The following ROBO2 variants were observed in gnomAD, a reference collection of about 807,000 sequenced individuals.
ROBO2 encodes the protein roundabout homolog 2.
A neutral mutation model predicts 160.8 loss-of-function variants in ROBO2; 53 were observed. That is an observed-to-expected ratio of 0.33 (90% CI 0.26 to 0.41). ROBO2 has a LOEUF of 0.41. Ranked by LOEUF, ROBO2 falls within the 10% of genes least tolerant of loss-of-function variation. The pLI is 1.00. For synonymous variants in ROBO2, 664 were observed against 611.7 expected (o/e 1.09, Z -1.26); for missense variants, 1,577 against 1,722.4 (o/e 0.92, Z 1.49).
intron 2 of ROBO2, among the ~76,000 whole-genome samples, chr3:76,121,623 A>G (rs1299240027): frequency 2.0e-5 from 3 of 152,140 alleles, no homozygotes; most frequent in Non-Finnish European, 2.9e-5. Context: ...CTTTTATTTC[A>G]TTGACAATTG....
chr3:76,945,084 T>G (rs1577705243), intron 2 of ROBO2, among the ~76,000 whole-genome samples: 1 of 151,676 alleles, frequency 6.6e-6, no homozygotes, highest in African/African-American at 2.4e-5. Context: ...GAGACGGGGT[T>G]TCACTGTGTT....
intron 2 of ROBO2, among the ~76,000 whole-genome samples, chr3:76,360,364 A>G (rs764005675): frequency 7.2e-5 from 11 of 152,036 alleles, no homozygotes; most frequent in Non-Finnish European, 1.0e-4. Flanking sequence ...GTTATTTTAG[A>G]TATGGGGTGG....
chr3:76,208,829 G>T (rs1472323125), intron 2 of ROBO2, among the ~76,000 whole-genome samples: 1 of 152,000 alleles, frequency 6.6e-6, no homozygotes, highest in Admixed American at 6.6e-5. Flanking sequence ...CTAGCTTCTG[G>T]CTTCCAAAAC....
At chr3:77,159,232 G>A (rs1412343076) in intron 2 of ROBO2, among the ~76,000 whole-genome samples, 3 of 152,120 alleles carry the variant, frequency 2.0e-5, no homozygotes, top group Non-Finnish European at 2.9e-5. Context: ...CATGCAAATA[G>A]AATGACACAG....
At chr3:76,385,191 C>T (rs1431772134) in intron 2 of ROBO2, among the ~76,000 whole-genome samples, 1 of 152,064 alleles carries the variant, frequency 6.6e-6, no homozygotes, top group Non-Finnish European at 1.5e-5. Flanking sequence ...GACAGGGCTT[C>T]TCCATGTTGC....
intron 2 of ROBO2, among the ~76,000 whole-genome samples, chr3:77,170,945 C>CA (rs1053104892): frequency 8.6e-5 from 13 of 151,820 alleles, no homozygotes; most frequent in African/African-American, 2.7e-4. Flanking sequence ...TTAAAAAGAA[C>CA]AAAAAAAGTC....
At chr3:76,867,739 C>T (rs1047293686) in intron 2 of ROBO2, among the ~76,000 whole-genome samples, 1 of 152,172 alleles carries the variant, frequency 6.6e-6, no homozygotes, top group Non-Finnish European at 1.5e-5. Flanking sequence ...TTGATTCTCT[C>T]CTCGAAAACC....
At chr3:76,732,351 G>A (rs1052671974) in intron 2 of ROBO2, among the ~76,000 whole-genome samples, 2 of 152,154 alleles carry the variant, frequency 1.3e-5, no homozygotes, top group African/African-American at 2.4e-5. Flanking sequence ...ATATGATGAC[G>A]AGAACTTGGG....
intron 2 of ROBO2, among the ~76,000 whole-genome samples, chr3:76,640,582 CGTGTTTGCGTGTGAGT>C (rs1560287456): frequency 2.7e-5 from 1 of 37,642 alleles, no homozygotes; most frequent in East Asian, 1.3e-3. Context: ...AATATCAATG[CGTGTTTGCGTGTGAGT>C]GTGTGTGTGT....
At chr3:76,420,763 G>C (rs1450117856) in intron 2 of ROBO2, among the ~76,000 whole-genome samples, 6 of 152,066 alleles carry the variant, frequency 3.9e-5, no homozygotes, top group Admixed American at 3.9e-4. Context: ...CTCTCCAGTG[G>C]AATTTTACAT....
chr3:76,013,532 C>T (rs986065452), intron 2 of ROBO2, among the ~76,000 whole-genome samples: 2 of 149,268 alleles, frequency 1.3e-5, no homozygotes, highest in East Asian at 2.0e-4. Flanking sequence ...GTGGTTTATG[C>T]GTGTAATCCC....
chr3:77,548,465 T>TATAG (rs2092788404), intron 7 of ROBO2, among the ~76,000 whole-genome samples: 1 of 152,058 alleles, frequency 6.6e-6, no homozygotes, highest in Non-Finnish European at 1.5e-5. Flanking sequence ...CTTGTTATTA[T>TATAG]ATAGCTAAGA....
chr3:76,817,186 C>T (rs2065746913), intron 2 of ROBO2, among the ~76,000 whole-genome samples: 1 of 152,082 alleles, frequency 6.6e-6, no homozygotes, highest in South Asian at 2.1e-4. Flanking sequence ...GCATGTTCTG[C>T]ATGTTTCCCA....
chr3:77,146,510 G>T (rs879717979), intron 2 of ROBO2, among the ~76,000 whole-genome samples: 12 of 152,146 alleles, frequency 7.9e-5, no homozygotes, highest in Non-Finnish European at 1.5e-4. Context: ...ATCAATAGAT[G>T]ATTTCTTCAA....
intron 2 of ROBO2, among the ~76,000 whole-genome samples, chr3:76,391,527 T>G (rs906794111): frequency 2.6e-5 from 4 of 152,166 alleles, no homozygotes; most frequent in Non-Finnish European, 4.4e-5. Flanking sequence ...GATACTTTTT[T>G]TTTTTTGAGA....
At chr3:77,175,608 A>T (rs1449134313) in intron 2 of ROBO2, among the ~76,000 whole-genome samples, 1 of 151,982 alleles carries the variant, frequency 6.6e-6, no homozygotes, top group Non-Finnish European at 1.5e-5. Flanking sequence ...TGGGTGAGAA[A>T]CCAGGAAGCC....
At chr3:76,027,363 G>A (rs893906169) in intron 2 of ROBO2, among the ~76,000 whole-genome samples, 2 of 151,870 alleles carry the variant, frequency 1.3e-5, no homozygotes, top group African/African-American at 4.8e-5. Flanking sequence ...CTTGCTGCTT[G>A]TTTGGGATCC....
chr3:76,888,629 T>C (rs577797615), intron 2 of ROBO2, among the ~76,000 whole-genome samples: 1 of 152,306 alleles, frequency 6.6e-6, no homozygotes, highest in African/African-American at 2.4e-5. Context: ...AAAATTGTGT[T>C]ATCTAGGTTG....
chr3:76,209,491 GA>G (rs1429991114), intron 2 of ROBO2, among the ~76,000 whole-genome samples: 1 of 152,052 alleles, frequency 6.6e-6, no homozygotes, highest in Non-Finnish European at 1.5e-5. Context: ...GATAATTGAA[GA>G]GGAAAAAAAC....
Sources: gnomAD v4.1 joint callset for allele counts (sites outside exome capture counted in the v4.1 genomes callset) on GRCh38, gnomAD v4.1.1 for gene constraint, MANE v1.5 for transcripts, NCBI Gene and HGNC (gene_info 2026-07-23, HGNC 2026-07-21) for gene names.